Variants in MCU observed in about 807,000 individuals in gnomAD.
MCU encodes mitochondrial calcium uniporter, also known as calcium uniporter protein, mitochondrial.
Under a neutral mutation model 45.2 loss-of-function variants are expected in MCU, and 12 were observed. The ratio of observed to expected loss-of-function variants is 0.27; its 90% confidence interval spans 0.17 to 0.43. The LOEUF is 0.43. MCU is among the 20% of genes least tolerant of loss of function. The pLI is 1.00. For missense variants in MCU, 324 were observed against 436.7 expected (o/e 0.74, Z 2.30); for synonymous variants, 160 against 165.1 (o/e 0.97, Z 0.24).
chr10:72,855,794 T>C (rs1353487699), intron 2 of MCU, among the ~76,000 whole-genome samples: 2 of 152,248 alleles, frequency 1.3e-5, no homozygotes, highest in African/African-American at 2.4e-5. Flanking sequence ...ATACTTTAAT[T>C]AAAAGGCAGA....
intron 1 of MCU, among the ~76,000 whole-genome samples, chr10:72,808,735 G>A (rs1009908912): frequency 6.6e-6 from 1 of 152,182 alleles, no homozygotes; most frequent in African/African-American, 2.4e-5. Context: ...GAATCATGGC[G>A]GAAGGCGAAG....
chr10:72,710,637 A>C (rs2132660085), intron 1 of MCU, among the ~76,000 whole-genome samples: 1 of 151,060 alleles, frequency 6.6e-6, no homozygotes, highest in Admixed American at 6.6e-5. Flanking sequence ...AAGGACAAAA[A>C]TCTTTTATTT....
chr10:72,875,639 T>C (rs1845606061), intron 6 of MCU, among the ~76,000 whole-genome samples: 1 of 152,254 alleles, frequency 6.6e-6, no homozygotes, highest in Non-Finnish European at 1.5e-5. Context: ...CTGCTGTTAC[T>C]ATGAGTTGCT....
chr10:72,813,849 C>A lies in MCU; in HGVS notation c.151-20510C>A, dbSNP rs1358778080. Reference sequence around the variant, plus strand: ...TGTGAAACAACACGATTGTTGTAAACAATTTGCAAACTATACATAAATTAT... The same window carrying A: ...TGTGAAACAACACGATTGTTGTAAAAAATTTGCAAACTATACATAAATTAT... On this transcript the variant is annotated intron_variant, in intron 1 of 7. Coordinates refer to ENST00000373053, the MANE Select transcript of MCU (RefSeq NM_138357.3). 2.6e-5 allele frequency among the ~76,000 whole-genome samples: 4 copies of A among 151,826 alleles called. No individual in the cohort carries two copies. In the East Asian group the frequency reaches 7.8e-4, roughly 29 times the overall value.
At chr10:72,709,842 A>T (rs988573422) in intron 1 of MCU, among the ~76,000 whole-genome samples, 35 of 152,222 alleles carry the variant, frequency 2.3e-4, no homozygotes, top group African/African-American at 8.2e-4. Flanking sequence ...CTTAATGGAC[A>T]GCTGAACTCC....
chr10:72,704,434 T>C (rs1842794163), intron 1 of MCU, among the ~76,000 whole-genome samples: 1 of 152,164 alleles, frequency 6.6e-6, no homozygotes, highest in African/African-American at 2.4e-5. Context: ...TTAAATATGC[T>C]TTTTTTCTAT....
chr10:72,828,646 T>G (rs1844833348), intron 1 of MCU, among the ~76,000 whole-genome samples: 1 of 152,148 alleles, frequency 6.6e-6, no homozygotes, highest in Non-Finnish European at 1.5e-5. Context: ...GAAAGATGAA[T>G]TAGGTATAGT....
chr10:72,879,963 G>A (rs564141192), intron 6 of MCU, among the ~76,000 whole-genome samples: 1 of 152,240 alleles, frequency 6.6e-6, no homozygotes, highest in African/African-American at 2.4e-5. Flanking sequence ...CATGAGAATC[G>A]CTTGAACCCA....
At chr10:72,805,178 T>TTCCTTCCTTCCTTCCTTCCTTCC (rs1712222867) in intron 1 of MCU, among the ~76,000 whole-genome samples, 4 of 140,440 alleles carry the variant, frequency 2.8e-5, no homozygotes, top group African/African-American at 1.2e-4. Context: ...TCTCTCTCTC[T>TTCCTTCCTTCCTTCCTTCCTTCC]TTCCTTCCTT....
rs1361300422 is a variant in MCU at position 72,748,458 on chromosome 10, G to A, written c.150+56157G>A. 5.3e-5 allele frequency among the ~76,000 whole-genome samples: 8 copies of A among 152,092 alleles called. No individual in the cohort carries two copies. In the East Asian group the frequency reaches 1.5e-3, roughly 29 times the overall value. ...TTTGTTATCTTTTCCCCATCAGATC[G>A]ATTAACAAGGAGTGATAAGTAATAA... On this transcript the variant is annotated intron_variant, in intron 1 of 7. Transcript: ENST00000373053.
Position 72,755,751 on chromosome 10 carries a change from CTTG to C in MCU, c.150+63465_150+63467del, listed in dbSNP as rs773030192. On this transcript the variant is annotated intron_variant, in intron 1 of 7. Transcript: ENST00000373053. ...ATCTAAATATGGCATCTCTTCAACC[CTTG>C]TTGTTGTTGTTGTTTTTGCCAGATA... is the stretch of plus-strand genomic sequence containing the variant. Among the ~76,000 whole-genome samples the C allele has an allele frequency of 6.6e-4, 101 of 151,948 alleles. 2 individuals are homozygous for C. Among genetic ancestry groups the C allele is most frequent in the Non-Finnish European group, 1.2e-3 (80 of 67,962 alleles).
chr10:72,878,708 A>G (rs2132896344), intron 6 of MCU, among the ~76,000 whole-genome samples: 1 of 152,314 alleles, frequency 6.6e-6, no homozygotes, highest in Non-Finnish European at 1.5e-5. Flanking sequence ...AGAAATAGTG[A>G]CCTTGAGTAA....
intron 1 of MCU, among the ~76,000 whole-genome samples, chr10:72,824,779 ATAAGAAAGGTC>A (rs1844771472): frequency 6.6e-6 from 1 of 152,206 alleles, no homozygotes. Context: ...TTGCAGGGGA[ATAAGAAAGGTC>A]TATAGTTATT....
chr10:72,777,866 G>C (rs986902079), intron 1 of MCU, among the ~76,000 whole-genome samples: 5 of 152,038 alleles, frequency 3.3e-5, no homozygotes, highest in African/African-American at 1.2e-4. Context: ...CTATACAGTG[G>C]GCAAAAGATT....
intron 1 of MCU, among the ~76,000 whole-genome samples, chr10:72,732,906 T>G (rs1843195183): frequency 6.6e-6 from 1 of 152,192 alleles, no homozygotes; most frequent in Admixed American, 6.5e-5. Flanking sequence ...GAGACGAAAA[T>G]GGCCCTTTTG....
chr10:72,699,386 A>T (rs765773700), intron 1 of MCU, among the ~76,000 whole-genome samples: 1 of 152,008 alleles, frequency 6.6e-6, no homozygotes. Context: ...GCGCGCCTGT[A>T]ATCCCAACTA....
At chr10:72,726,041 A>G (rs555346091) in intron 1 of MCU, among the ~76,000 whole-genome samples, 1 of 151,972 alleles carries the variant, frequency 6.6e-6, no homozygotes, top group Non-Finnish European at 1.5e-5. Context: ...TTTTCTTCAT[A>G]CTTGAATGAT....
At position 72,701,782 on chromosome 10, in the gene MCU, C is replaced by T. The variant is rs144011605; in HGVS notation, c.150+9481C>T. Among the ~76,000 whole-genome samples the T allele has an allele frequency of 5.0e-3, 764 of 152,114 alleles. 5 individuals carry two copies. Among genetic ancestry groups the T allele is most frequent in the African/African-American group, 0.017 (715 of 41,486 alleles). ...TCCTGACCTCATGATCTTCCTGCCT[C>T]GGCCTCCCAAAATGCTGGGATTACA... is the stretch of plus-strand genomic sequence containing the variant. On this transcript the variant is annotated intron_variant, in intron 1 of 7. Coordinates refer to ENST00000373053, the MANE Select transcript of MCU (RefSeq NM_138357.3).
chr10:72,709,520 T>C (rs1842863514), intron 1 of MCU, among the ~76,000 whole-genome samples: 1 of 152,194 alleles, frequency 6.6e-6, no homozygotes, highest in African/African-American at 2.4e-5. Flanking sequence ...TCTCCCTTTT[T>C]CCTGATCTGT....
Sources: allele counts gnomAD v4.1 joint callset (sites outside exome capture counted in the v4.1 genomes callset), GRCh38; gene constraint gnomAD v4.1.1; transcripts MANE v1.5; gene names NCBI Gene and HGNC (gene_info 2026-07-23, HGNC 2026-07-21).